Variants in DAP3 observed in about 807,000 individuals in gnomAD.
DAP3 encodes the protein death associated protein 3.
DAP3 carries 28 observed loss-of-function variants against 51.9 expected under a neutral mutation model. The ratio of observed to expected loss-of-function variants is 0.54; its 90% CI spans 0.40 to 0.74. The LOEUF is 0.74. Among genes scored for constraint, DAP3 ranks in the 30% least tolerant of loss-of-function variants. The pLI is 0.00. For missense variants in DAP3, 458 were observed against 483.5 expected (o/e 0.95, Z 0.49); for synonymous variants, 170 against 170.3 (o/e 1.00, Z 0.01).
rs1321167623 is a variant in DAP3 at position 155,690,611 on chromosome 1, T to C, written c.-8+1437T>C. 2.1e-5 allele frequency among the ~76,000 whole-genome samples: 3 copies of C among 142,312 alleles called. 1 individual carries two copies. The highest frequency in any genetic ancestry group is 2.0e-4 in the Admixed American group (3 of 15,138). The allele number at this position is 142,312 out of a possible 152,430, so 93.4% of individuals were successfully genotyped here. ...AAAGTCTGCAATTTTTAAATAGTAT[T>C]GTACCAGCTTTAATTTCTTAATTTT... On this transcript the variant is annotated intron_variant, in intron 1 of 12. Transcript: ENST00000368336.
At chr1:155,697,350 G>A (rs1654665270) in intron 1 of DAP3, among the ~76,000 whole-genome samples, 1 of 152,176 alleles carries the variant, frequency 6.6e-6, no homozygotes, top group Non-Finnish European at 1.5e-5. Context: ...AGGGAGACCG[G>A]GGGGATTGGT....
chr1:155,701,669 T>G (rs1655292294), intron 1 of DAP3, among the ~76,000 whole-genome samples: 1 of 123,010 alleles, frequency 8.1e-6, no homozygotes, highest in Non-Finnish European at 1.6e-5. Context: ...ACCCAAGAAT[T>G]ATCAATAAAA....
intron 1 of DAP3, chr1:155,689,552 G>A (rs1653383434): frequency 2.6e-6 from 1 of 383,040 alleles, no homozygotes; most frequent in African/African-American, 2.1e-5. Context: ...ATTTTTGTTA[G>A]TTCCTTATCA....
At position 155,725,477 on chromosome 1, in the gene DAP3, A is replaced by G. The variant is rs138952726; in HGVS notation, c.366A>G (p.Ile122Met). 173 of 1,614,062 alleles carry G rather than the reference A, an allele frequency of 1.1e-4. 1 individual carries two copies. The highest frequency in any genetic ancestry group is 3.3e-4 in the Middle Eastern group (2 of 6,062). ...LKNTSFAYPA[I>M]RYLLYGEKGT... ...ACACCAGTTTTGCTTATCCAGCTAT[A>G]CGATATCTTCTGTGTATCCTTTCCT... The change falls in exon 5 of 13, where the codon ATA becomes ATG. Residue 122 changes from isoleucine to methionine, a missense_variant. Transcript: ENST00000368336.
intron 2 of DAP3, among the ~76,000 whole-genome samples, chr1:155,712,147 T>G (rs183739364): frequency 4.5e-4 from 69 of 152,270 alleles, no homozygotes; most frequent in Non-Finnish European, 9.3e-4. Context: ...AGTTGACGCT[T>G]AATATTAACC....
At chr1:155,702,841 G>A (rs982239595) in intron 1 of DAP3, among the ~76,000 whole-genome samples, 1 of 152,078 alleles carries the variant, frequency 6.6e-6, no homozygotes, top group African/African-American at 2.4e-5. Context: ...GTGGTGGTGG[G>A]CACCTGTAAT....
At chr1:155,731,015 A>T (rs1253341045) in intron 9 of DAP3, among the ~76,000 whole-genome samples, 1 of 152,116 alleles carries the variant, frequency 6.6e-6, no homozygotes, top group Non-Finnish European at 1.5e-5. Flanking sequence ...CATGCTTGTA[A>T]TCCCAGCACT....
rs369657332 is a variant in DAP3, at chr1:155,717,211, T to TA, written c.168+83_168+84insA. On this transcript the variant is annotated intron_variant, in intron 3 of 12. Coordinates refer to ENST00000368336, the MANE Select transcript of DAP3 (RefSeq NM_004632.4). ...TCATTTTGCATAGGAAAACTGAAAC[T>TA]GAAAGAAGCTTAGTAGATTTGCATT... 5 of 1,569,506 alleles carry TA rather than the reference T, an allele frequency of 3.2e-6. No homozygotes were observed. The African/African-American group carries it at 5.5e-5, about 17-fold the overall frequency.
chr1:155,716,055 A>T (rs1657294222), intron 2 of DAP3, among the ~76,000 whole-genome samples: 1 of 152,194 alleles, frequency 6.6e-6, no homozygotes, highest in Non-Finnish European at 1.5e-5. Flanking sequence ...ACAACCATTC[A>T]TCGCTGTGCA....
At chr1:155,689,307 C>T (rs890571520) in intron 1 of DAP3, 133 bp downstream of exon 1, 21 of 616,056 alleles carry the variant, frequency 3.4e-5, no homozygotes, top group Middle Eastern at 5.1e-4. Context: ...CGTTGAGTTG[C>T]CAACCTGGGA....
intron 9 of DAP3, among the ~76,000 whole-genome samples, chr1:155,731,140 G>A (rs902397396): frequency 2.0e-5 from 3 of 151,914 alleles, no homozygotes; most frequent in African/African-American, 7.3e-5. Context: ...GGTGGCGCGC[G>A]CCTATAGTCC....
intron 1 of DAP3, among the ~76,000 whole-genome samples, chr1:155,700,462 A>G (rs9427221): frequency 0.089 from 13,499 of 152,188 alleles, 2,112 homozygotes; most frequent in African/African-American, 0.31. Flanking sequence ...TGCATAACAC[A>G]TGATAATGAA....
At chr1:155,707,592 C>T (rs1656164687) in intron 1 of DAP3, among the ~76,000 whole-genome samples, 1 of 151,978 alleles carries the variant, frequency 6.6e-6, no homozygotes, top group Non-Finnish European at 1.5e-5. Flanking sequence ...GAATATAATA[C>T]ACATGATATG....
chr1:155,709,234 C>G (rs1395292618), intron 1 of DAP3: 1 of 152,366 alleles, frequency 6.6e-6, no homozygotes, highest in Admixed American at 6.6e-5. Flanking sequence ...CCTCCACCTC[C>G]TCCCAAGCTC....
intron 6 of DAP3, among the ~76,000 whole-genome samples, chr1:155,726,680 G>A (rs1194688192): frequency 6.6e-6 from 1 of 151,730 alleles, no homozygotes; most frequent in East Asian, 1.9e-4. Context: ...CCAGCACTTT[G>A]GGAGGCTGAG....
intron 2 of DAP3, among the ~76,000 whole-genome samples, chr1:155,712,473 G>A (rs763674177): frequency 3.1e-4 from 47 of 152,000 alleles, no homozygotes; most frequent in Non-Finnish European, 4.6e-4. Context: ...TTAGCCAGGC[G>A]CGGTGGCGCA....
chr1:155,708,983 G>A (rs1006034951), intron 1 of DAP3: 2 of 152,218 alleles, frequency 1.3e-5, no homozygotes, highest in African/African-American at 4.8e-5. Context: ...TTACAGGCGT[G>A]AGCCACTGCG....
chr1:155,737,174 T>C (rs1435909935), intron 12 of DAP3, 111 bp downstream of exon 12: 2 of 780,554 alleles, frequency 2.6e-6, no homozygotes, highest in Non-Finnish European at 4.3e-6. Context: ...TTGTACTTCA[T>C]CCTTTATCTT....
chr1:155,717,040 A>C lies in DAP3; in HGVS notation c.80A>C (p.Gln27Pro). ...DPGRFLHMGT[Q>P]ARQSIAAHLD... ...GGGCGTTTTTTACACATGGGGACCC[A>C]GGCTCGCCAAAGCATTGCTGCTCAC... is the stretch of plus-strand genomic sequence containing the variant. Residue 27 changes from glutamine to proline, a missense_variant, in exon 3 of 13, where the codon CAG (glutamine) becomes CCG (proline). Physicochemically the swap from Gln to Pro is moderately conservative, Grantham distance 76. Transcript: ENST00000368336. 6.2e-7 allele frequency: 1 copy of C among 1,613,628 alleles called. No homozygotes were observed.
Sources: gnomAD v4.1 joint callset for allele counts (sites outside exome capture counted in the v4.1 genomes callset) on GRCh38, gnomAD v4.1.1 for gene constraint, MANE v1.5 for transcripts, NCBI Gene and HGNC (gene_info 2026-07-23, HGNC 2026-07-21) for gene names.